Variants in RUNX3 observed in about 807,000 individuals in gnomAD.
RUNX3 encodes RUNX family transcription factor 3, also known as runt-related transcription factor 3.
RUNX3 carries 10 observed loss-of-function variants against 27.7 expected under a neutral mutation model. The observed-to-expected ratio is 0.36, with a 90% CI of 0.22 to 0.61. The LOEUF (loss-of-function observed/expected upper bound fraction) is 0.61. Ranked by LOEUF, RUNX3 falls within the 20% of genes least tolerant of loss-of-function variation. RUNX3 has a pLI of 0.72. For missense variants in RUNX3, 469 were observed against 629.5 expected, an observed-to-expected ratio of 0.75 and a Z score of 2.73; for synonymous variants, 270 against 269.2, an observed-to-expected ratio of 1.00 and a Z score of -0.03.
At chr1:24,964,148 C>T (rs1248483728) in intron 2 of RUNX3, among the ~76,000 whole-genome samples, 1 of 152,204 alleles carries the variant, frequency 6.6e-6, no homozygotes, top group East Asian at 1.9e-4. Context: ...GTGGGGAGTC[C>T]CAGGCAGGAC....
In RUNX3 at chr1:24,929,692, C is replaced by A; in HGVS notation, c.177G>T (p.Leu59=). ...GCACGAGCTCGCCTGCGTGGTCCGC[C>A]AGCACGTCCACCATCGAGCGCACCT... ...RPEVRSMVDV[L]ADHAGELVRT... Residue 59 remains leucine (L), a synonymous_variant, in exon 1 of 5, where the codon CTG becomes CTT. Coordinates refer to ENST00000308873, the MANE Select transcript of RUNX3 (RefSeq NM_004350.3). The A allele has an allele frequency of 6.3e-7, 1 of 1,579,330 alleles. No individual in the cohort carries two copies. The highest frequency in any genetic ancestry group is 8.5e-7 in the Non-Finnish European group (1 of 1,169,720).
At chr1:24,948,588 C>T (rs1641673476) in intron 2 of RUNX3, among the ~76,000 whole-genome samples, 1 of 143,840 alleles carries the variant, frequency 7.0e-6, no homozygotes, top group Non-Finnish European at 1.5e-5. Flanking sequence ...ATGTACAGGG[C>T]AGGGGTGCAT....
chr1:24,902,422 C>A lies in RUNX3; in HGVS notation c.948G>T (p.Pro316=). ...TYLPPPYPGA[P]QNQSGPFQAN... ...CCTGGAAGGGCCCGCTCTGGTTCTG[C>A]GGGGCCCCCGGGTAGGGTGGCGGGA... is the stretch of plus-strand genomic sequence containing the variant. The change falls in exon 5 of 5, where the codon CCG becomes CCT. Residue 316 remains proline (P), a synonymous_variant. Transcript: ENST00000308873. This position sits in a 1 kb window ranked among gnomAD's most constrained non-coding sequence, Gnocchi z 9.2. The A allele has an allele frequency of 6.2e-7, 1 of 1,611,338 alleles. No individual in the cohort carries two copies. The highest frequency in any genetic ancestry group is 1.7e-4 in the Middle Eastern group (1 of 6,002).
At chr1:24,950,660 T>C (rs1641737132) in intron 2 of RUNX3, among the ~76,000 whole-genome samples, 1 of 152,118 alleles carries the variant, frequency 6.6e-6, no homozygotes, top group African/African-American at 2.4e-5. Flanking sequence ...CTCCCTCTGC[T>C]TGGAGTATCT....
At chr1:24,931,678 A>G (rs1400567305), upstream of RUNX3, among the ~76,000 whole-genome samples, 1 of 151,890 alleles carries the variant, frequency 6.6e-6, no homozygotes, top group African/African-American at 2.4e-5. Context: ...CATGGATCTG[A>G]CCCCTGCTCA....
chr1:24,964,570 A>G, exon 2 of RUNX3: 1 of 1,610,588 alleles, frequency 6.2e-7, no homozygotes, highest in Non-Finnish European at 8.5e-7. Flanking sequence ...GTTCGATGCC[A>G]TGCCCCGCTC....
chr1:24,924,884 A>G lies in RUNX3; in HGVS notation c.439+2690T>C, dbSNP rs1015491007. Among the ~76,000 whole-genome samples, 7 of 152,330 alleles carry G rather than the reference A, an allele frequency of 4.6e-5. No individual in the cohort carries two copies. The East Asian group carries it at 1.3e-3, about 29-fold the overall frequency. On this transcript the variant is annotated intron_variant, in intron 2 of 4. Transcript: ENST00000308873. ...GCCCTAATCACTGCAGGAGACAGCA[A>G]TGACCTGGTTTTCCTCCCTTCCTTT...
upstream of RUNX3, among the ~76,000 whole-genome samples, chr1:24,933,020 G>T (rs1011247408): frequency 6.6e-6 from 1 of 152,198 alleles, no homozygotes; most frequent in Non-Finnish European, 1.5e-5. Context: ...AAGGGGATTC[G>T]TCTCCCTCTG....
At chr1:24,949,660 G>A (rs866812000) in intron 2 of RUNX3, among the ~76,000 whole-genome samples, 1 of 152,222 alleles carries the variant, frequency 6.6e-6, no homozygotes, top group East Asian at 1.9e-4. Flanking sequence ...TTCATTCCCC[G>A]TGATGTGTGT....
intron 2 of RUNX3, among the ~76,000 whole-genome samples, chr1:24,947,721 C>G (rs568416875): frequency 3.9e-4 from 59 of 152,268 alleles, no homozygotes; most frequent in African/African-American, 8.9e-4. Flanking sequence ...TCCTCCTTTC[C>G]CCACAACCCA....
At chr1:24,907,934 A>AACACGCGGTGATCTAAACCTCAACC (rs1553200937) in intron 3 of RUNX3, among the ~76,000 whole-genome samples, 4 of 149,796 alleles carry the variant, frequency 2.7e-5, no homozygotes, top group South Asian at 2.1e-4. Flanking sequence ...AAACCTCTAC[A>AACACGCGGTGATCTAAACCTCAACC]ACACGCGGTG....
rs1253180170 is a variant in RUNX3 at position 24,930,008 on chromosome 1, G to A, written c.-140C>T. The A allele has an allele frequency of 1.2e-5, 14 of 1,131,706 alleles. No individual in the cohort carries two copies. In the East Asian group the frequency reaches 5.9e-4, roughly 48 times the overall value. 70.1% of individuals were successfully genotyped at this position (1,131,706 alleles called of 1,614,324 possible). The stretch of plus-strand genomic sequence containing the variant: ...GCGGGGCCCGGGCCTCAGGGCGCAG[G>A]GGGCGGCGCCCGGCCACTACTCGCC... On this transcript the variant is annotated 5_prime_UTR_variant, in exon 1 of 5. Transcript: ENST00000308873. The surrounding 1 kb of genome is among the most constrained non-coding windows in gnomAD (Gnocchi z 4.1).
At chr1:24,908,166 G>A (rs1004054261) in intron 3 of RUNX3, among the ~76,000 whole-genome samples, 1 of 131,232 alleles carries the variant, frequency 7.6e-6, no homozygotes, top group African/African-American at 3.4e-5. Flanking sequence ...TACGACACGC[G>A]GTGATCCGAA....
intron 2 of RUNX3, among the ~76,000 whole-genome samples, chr1:24,952,936 T>C (rs1396661577): frequency 6.6e-6 from 1 of 152,076 alleles, no homozygotes; most frequent in East Asian, 1.9e-4. Flanking sequence ...ATCATAGGCT[T>C]TTAAAAAACT....
intron 3 of RUNX3, among the ~76,000 whole-genome samples, chr1:24,910,968 CT>C (rs1640785608): frequency 6.6e-6 from 1 of 152,160 alleles, no homozygotes; most frequent in South Asian, 2.1e-4. Flanking sequence ...GAGGAGATGC[CT>C]TGTGGAAAGC....
chr1:24,915,304 A>G (rs1189649146), intron 3 of RUNX3, among the ~76,000 whole-genome samples: 1 of 152,096 alleles, frequency 6.6e-6, no homozygotes, highest in Non-Finnish European at 1.5e-5. Context: ...TGTGCCTGTA[A>G]TCCCAGCTCC....
rs537801205 is a variant in RUNX3, at chr1:24,923,734, C to G, written c.439+3840G>C. Among the ~76,000 whole-genome samples the G allele has an allele frequency of 6.6e-6, 1 of 152,260 alleles. No individual in the cohort carries two copies. Among genetic ancestry groups the G allele is most frequent in the Non-Finnish European group, 1.5e-5 (1 of 68,016 alleles). ...CAGTCTCAGGGGACCTCGGGGTTTT[C>G]TCAGCTTCAGCCAAGAAGCCATTCA... is the stretch of plus-strand genomic sequence containing the variant. On this transcript the variant is annotated intron_variant, in intron 2 of 4. Transcript: ENST00000308873. The surrounding 1 kb of genome is among the most constrained non-coding windows in gnomAD (Gnocchi z 5.9).
chr1:24,911,417 G>C (rs1198772812), intron 3 of RUNX3, among the ~76,000 whole-genome samples: 1 of 152,152 alleles, frequency 6.6e-6, no homozygotes, highest in Non-Finnish European at 1.5e-5. Context: ...TTCGAGGACG[G>C]GTCCTGTCAC....
intron 2 of RUNX3, among the ~76,000 whole-genome samples, chr1:24,939,752 G>A (rs762127524): frequency 6.2e-4 from 94 of 152,230 alleles, no homozygotes; most frequent in Admixed American, 6.5e-4. Flanking sequence ...CTCATTGTTC[G>A]ATGGGGACAA....
Sources: gnomAD v4.1 joint callset for allele counts (sites outside exome capture counted in the v4.1 genomes callset) on GRCh38, gnomAD v4.1.1 for gene constraint, Gnocchi (gnomAD v3.1) non-coding constraint, MANE v1.5 for transcripts, NCBI Gene and HGNC (gene_info 2026-07-23, HGNC 2026-07-21) for gene names.